NGFR: variants seen among roughly 807,000 people sequenced by gnomAD.
NGFR encodes the protein nerve growth factor receptor.
A neutral mutation model predicts 43.2 loss-of-function variants in NGFR; 30 were observed. That is an observed-to-expected ratio of 0.69 (90% CI 0.52 to 0.94). The LOEUF (loss-of-function observed/expected upper bound fraction) is 0.94. NGFR is among the 40% of genes least tolerant of loss of function. NGFR has a pLI of 0.00. For synonymous variants in NGFR, 246 were observed against 259.6 expected (o/e 0.95, Z 0.50); for missense variants, 529 against 602.5 (o/e 0.88, Z 1.28).
At chr17:49,501,395 G>T (rs892006215) in intron 1 of NGFR, among the ~76,000 whole-genome samples, 3 of 152,228 alleles carry the variant, frequency 2.0e-5, no homozygotes, top group African/African-American at 7.2e-5. Context: ...GCACCAGGCT[G>T]TTGCCATCTC....
chr17:49,510,542 C>T lies in NGFR; in HGVS notation c.699C>T (p.Thr233=), dbSNP rs751128499. 6.2e-7 allele frequency: 1 copy of T among 1,614,064 alleles called. No homozygotes were observed. The highest frequency in any genetic ancestry group is 2.2e-5 in the East Asian group (1 of 44,854). The change falls in exon 4 of 6, where the codon ACC becomes ACT. Residue 233 remains threonine (T), a synonymous_variant. Coordinates refer to ENST00000172229, the MANE Select transcript of NGFR (RefSeq NM_002507.4). ...CCAGCACGGTGGCAGGTGTGGTGAC[C>T]ACAGTGATGGGCAGCTCCCAGCCCG... ...LIASTVAGVV[T]TVMGSSQPVV...
chr17:49,497,239 T>C (rs1291075586), intron 1 of NGFR: 2 of 152,278 alleles, frequency 1.3e-5, no homozygotes, highest in African/African-American at 4.8e-5. Context: ...AGAGATTCTG[T>C]CCGGGTGCGG....
rs1441565528 is a variant in NGFR, at chr17:49,512,436, A to G, written c.983-272A>G. ...CTTGCTGTAGTTGTCTAGAACTGAGAAGCCCTATCTCCTCCTCTGCCATGA... is the reference window on the plus strand; with the variant it reads ...CTTGCTGTAGTTGTCTAGAACTGAGGAGCCCTATCTCCTCCTCTGCCATGA... On this transcript the variant is annotated intron_variant, in intron 5 of 5. Coordinates refer to ENST00000172229, the MANE Select transcript of NGFR (RefSeq NM_002507.4). The surrounding 1 kb of genome is among the most constrained non-coding windows in gnomAD (Gnocchi z 5.2). Among the ~76,000 whole-genome samples, 2 of 152,144 alleles carry G rather than the reference A, an allele frequency of 1.3e-5. No homozygotes were observed. The highest frequency in any genetic ancestry group is 2.9e-5 in the Non-Finnish European group (2 of 68,022).
In NGFR at chr17:49,504,451, G is replaced by A. The variant is rs1461698829; in HGVS notation, c.209-1848G>A. ...TCCTCATCGCTCTCCACCCCCATGG[G>A]GCCCAATCTTTATAGGATCCCAACT... On this transcript the variant is annotated intron_variant, in intron 2 of 5. Transcript: ENST00000172229. Among the ~76,000 whole-genome samples, 8 of 152,270 alleles carry A rather than the reference G, an allele frequency of 5.3e-5. No individual in the cohort carries two copies. In the East Asian group the frequency reaches 1.5e-3, roughly 29 times the overall value.
At chr17:49,501,999 A>AC (rs2071168992) in intron 1 of NGFR, 64 bp from the exon 2 acceptor site, 8 of 331,120 alleles carry the variant, frequency 2.4e-5, no homozygotes, top group African/African-American at 6.7e-5. Flanking sequence ...TCCCCGGAAG[A>AC]ACCCCCCCCA....
At position 49,513,170 on chromosome 17, in the gene NGFR, G is replaced by C; in HGVS notation, c.*161G>C. 1.4e-6 allele frequency: 1 copy of C among 716,186 alleles called. No individual in the cohort carries two copies. The highest frequency in any genetic ancestry group is 2.2e-6 in the Non-Finnish European group (1 of 448,726). The allele number at this position is 716,186 out of a possible 1,614,324, so 44.4% of individuals were successfully genotyped here. On this transcript the variant is annotated 3_prime_UTR_variant, in exon 6 of 6. Transcript: ENST00000172229. The stretch of plus-strand genomic sequence containing the variant: ...GTCCAGGCCCCAAAACCACAGCCCT[G>C]TCAGTGCAGCCCGTGTGGCCCCTTC...
At chr17:49,511,799 C>A (rs1340029808) in intron 4 of NGFR, 93 bp from the exon 5 acceptor site, 2 of 1,402,442 alleles carry the variant, frequency 1.4e-6, no homozygotes, top group South Asian at 3.2e-5. Flanking sequence ...CCCGCCATGC[C>A]CCTGGCCCTC....
At chr17:49,500,499 C>T (rs571457742) in intron 1 of NGFR, among the ~76,000 whole-genome samples, 2 of 152,338 alleles carry the variant, frequency 1.3e-5, no homozygotes, top group African/African-American at 2.4e-5. Flanking sequence ...AACCGGAGAA[C>T]AGGCTGGATG....
chr17:49,499,248 A>G (rs2071154275), intron 1 of NGFR, among the ~76,000 whole-genome samples: 1 of 152,186 alleles, frequency 6.6e-6, no homozygotes, highest in Non-Finnish European at 1.5e-5. Flanking sequence ...TGGCAGGGGC[A>G]TTTGCACAAA....
Position 49,502,131 on chromosome 17 carries a change from A to G in NGFR, c.135A>G (p.Lys45=). ...ACACACACAGCGGTGAGTGCTGCAA[A>G]GCCTGCAACCTGGGCGAGGGTGTGG... ...GLYTHSGECC[K]ACNLGEGVAQ... Residue 45 remains lysine, a synonymous_variant, in exon 2 of 6, where the codon AAA becomes AAG. Transcript: ENST00000172229. 1 of 1,613,050 alleles carries G rather than the reference A, an allele frequency of 6.2e-7. No homozygotes were observed. Among genetic ancestry groups the G allele is most frequent in the Non-Finnish European group, 8.5e-7 (1 of 1,179,400 alleles).
intron 2 of NGFR, 156 bp from the exon 3 acceptor site, chr17:49,506,143 G>A: frequency 7.2e-7 from 1 of 1,379,658 alleles, no homozygotes; most frequent in South Asian, 1.7e-5. Flanking sequence ...TCACAGGCTA[G>A]GGGTCAGGGT....
rs1296367274 is a variant in NGFR at position 49,506,510 on chromosome 17, C to G, written c.420C>G (p.Asp140Glu). 1 of 1,611,622 alleles carries G rather than the reference C, an allele frequency of 6.2e-7. No homozygotes were observed. Among genetic ancestry groups the G allele is most frequent in the African/African-American group, 1.3e-5 (1 of 74,860 alleles). Residue 140 changes from aspartate (D) to glutamate (E), a missense_variant, in exon 3 of 6, where the codon GAC (aspartate) becomes GAG (glutamate). Asp to Glu is a conservative substitution (Grantham distance 45). Transcript: ENST00000172229. ...AGSGLVFSCQ[D>E]KQNTVCEECP... ...CGGGCCTCGTGTTCTCCTGCCAGGACAAGCAGAACACCGTGTGCGAGGAGT... is the reference window on the plus strand; with the variant it reads ...CGGGCCTCGTGTTCTCCTGCCAGGAGAAGCAGAACACCGTGTGCGAGGAGT...
Position 49,513,659 on chromosome 17 carries a change from G to A in NGFR, c.*650G>A, listed in dbSNP as rs553766763. The A allele has an allele frequency of 5.9e-4, 90 of 152,502 alleles. No individual in the cohort carries two copies. Among genetic ancestry groups the A allele is most frequent in the African/African-American group, 2.1e-3 (86 of 41,584 alleles). The allele number at this position is 152,502 out of a possible 1,614,324, so 9.4% of individuals were successfully genotyped here. On this transcript the variant is annotated 3_prime_UTR_variant, in exon 6 of 6. Transcript: ENST00000172229. ...AGCCAGACAGCAACGGGGAGGCCAA[G>A]TGCAGGCTGGCACCGCCTTCTCTAA...
In NGFR at chr17:49,495,662, AG is replaced by A; in HGVS notation, c.66+180del. ...GGAGGGTCTAGGGTTCCCGGAGCGC[AG>A]AGGCGACTCTCCAGGGTGGAGATGA... On this transcript the variant is annotated intron_variant, in intron 1 of 5. Coordinates refer to ENST00000172229, the MANE Select transcript of NGFR (RefSeq NM_002507.4). This position sits in a 1 kb window ranked among gnomAD's most constrained non-coding sequence, Gnocchi z 6.4. 2 of 506,758 alleles carry A rather than the reference AG, an allele frequency of 3.9e-6. No individual in the cohort carries two copies. The highest frequency in any genetic ancestry group is 6.1e-6 in the Non-Finnish European group (2 of 325,898). The allele number at this position is 506,758 out of a possible 1,614,324, so 31.4% of individuals were successfully genotyped here. A position where few individuals can be genotyped will look rare whatever the true frequency, so the allele number is the denominator to read the frequency against.
intron 1 of NGFR, among the ~76,000 whole-genome samples, chr17:49,498,075 A>G (rs1358951128): frequency 6.6e-6 from 1 of 152,238 alleles, no homozygotes. Flanking sequence ...TTGAGGAAAC[A>G]GAACCTTCTA....
intron 4 of NGFR, 81 bp downstream of exon 4, chr17:49,510,745 A>T (rs2071226557): frequency 6.5e-7 from 1 of 1,548,896 alleles, no homozygotes. Flanking sequence ...ACCTGAAAAC[A>T]TACACACCCT....
chr17:49,504,769 C>CTT (rs67010321), intron 2 of NGFR, among the ~76,000 whole-genome samples: 9 of 110,928 alleles, frequency 8.1e-5, no homozygotes, highest in East Asian at 4.7e-4. Context: ...TTCTTTCTTT[C>CTT]TTTTTTTTTT....
chr17:49,506,699 G>GGGGGGGGGCCC, intron 3 of NGFR, 41 bp downstream of exon 3: 1 of 402,094 alleles, frequency 2.5e-6, no homozygotes, highest in Non-Finnish European at 4.3e-6. Context: ...GGGGTGCGGG[G>GGGGGGGGGCCC]GTGGGCTGGG....
chr17:49,510,669 G>A lies in NGFR; in HGVS notation c.821+5G>A. On this transcript the variant is annotated splice_donor_5th_base_variant and intron_variant, in intron 4 of 5. Transcript: ENST00000172229. ...GGCCTACATAGCCTTCAAGAGGTAA[G>A]AGAGGGCACGGTGGCGACAGAGAGG... 1 of 1,609,918 alleles carries A rather than the reference G, an allele frequency of 6.2e-7. No homozygotes were observed. Among genetic ancestry groups the A allele is most frequent in the Non-Finnish European group, 8.5e-7 (1 of 1,176,498 alleles).
Sources: allele counts gnomAD v4.1 joint callset (sites outside exome capture counted in the v4.1 genomes callset), GRCh38; gene constraint gnomAD v4.1.1; non-coding constraint Gnocchi (gnomAD v3.1); transcripts MANE v1.5; gene names NCBI Gene and HGNC (gene_info 2026-07-23, HGNC 2026-07-21).